The following REPS1 variants were observed in gnomAD, a reference collection of about 807,000 sequenced individuals.
REPS1 encodes ralBP1-associated Eps domain-containing protein 1.
REPS1 carries 39 observed loss-of-function variants against 100.9 expected under a neutral mutation model. That is an observed-to-expected ratio of 0.39 (90% CI 0.30 to 0.50). The LOEUF is 0.50. Ranked by LOEUF, REPS1 falls within the 20% of genes least tolerant of loss-of-function variation. The probability of loss-of-function intolerance (pLI) is 0.86; values close to 1 mark genes in which losing one functional copy is unlikely to be tolerated. For missense variants in REPS1, 821 were observed against 968.5 expected, an observed-to-expected ratio of 0.85 and a Z score of 2.02; for synonymous variants, 324 against 340.3, an observed-to-expected ratio of 0.95 and a Z score of 0.53.
At chr6:138,962,352 C>A (rs1783788383) in intron 1 of REPS1, among the ~76,000 whole-genome samples, 1 of 151,720 alleles carries the variant, frequency 6.6e-6, no homozygotes, top group African/African-American at 2.4e-5. Context: ...GCCTAAGACA[C>A]TGGATGCCCA....
chr6:138,985,370 T>G (rs752583064), intron 1 of REPS1, among the ~76,000 whole-genome samples: 5 of 152,218 alleles, frequency 3.3e-5, no homozygotes, highest in Admixed American at 6.5e-5. Flanking sequence ...GACAAGATCC[T>G]CAAGAGCTTC....
At chr6:138,974,520 CAAAT>C (rs1306188772) in intron 1 of REPS1, among the ~76,000 whole-genome samples, 1 of 152,072 alleles carries the variant, frequency 6.6e-6, no homozygotes, top group Non-Finnish European at 1.5e-5. Flanking sequence ...ATTAAATGTC[CAAAT>C]GTGTTTTGGG....
chr6:138,920,269 A>T lies in REPS1; in HGVS notation c.1474T>A (p.Leu492Ile), dbSNP rs1582729593. 6.2e-7 allele frequency: 1 copy of T among 1,604,520 alleles called. No homozygotes were observed. The highest frequency in any genetic ancestry group is 2.2e-5 in the East Asian group (1 of 44,802). ...GATGAATTTATCTTATTTTCTTCTA[A>T]AAGGTCAGATGGTTTCACAAGTAAT... ...SPLLVKPSDL[L>I]EENKINSSVK... The change falls in exon 12 of 20, where the codon TTA (leucine) becomes ATA (isoleucine). Residue 492 changes from leucine to isoleucine, a missense_variant. Physicochemically the swap from Leu to Ile is conservative, Grantham distance 5. Around this residue, in one of 3 missense-constraint regions of REPS1, gnomAD observed 757 missense variants for 866.4 expected, o/e 0.87. Transcript: ENST00000450536.
intron 10 of REPS1, among the ~76,000 whole-genome samples, chr6:138,921,965 A>G (rs1780797373): frequency 2.6e-5 from 3 of 113,784 alleles, no homozygotes; most frequent in Admixed American, 2.6e-4. Flanking sequence ...GAGCTAGACC[A>G]CATCTCAAAA....
At chr6:138,923,901 A>G (rs2128448729) in intron 10 of REPS1, among the ~76,000 whole-genome samples, 1 of 151,294 alleles carries the variant, frequency 6.6e-6, no homozygotes, top group East Asian at 2.0e-4. Context: ...TGTTAAATTC[A>G]TAATAGAAGA....
intron 10 of REPS1, among the ~76,000 whole-genome samples, chr6:138,925,695 G>A (rs1219549038): frequency 1.3e-5 from 2 of 150,080 alleles, no homozygotes; most frequent in Non-Finnish European, 1.5e-5. Context: ...GAAAGAAAAA[G>A]AAAAAGCAGA....
Position 138,961,606 on chromosome 6 carries a change from C to T in REPS1, c.154-13693G>A, listed in dbSNP as rs532240203. Among the ~76,000 whole-genome samples, 32 of 152,228 alleles carry T rather than the reference C, an allele frequency of 2.1e-4. No individual in the cohort carries two copies. In the South Asian group the frequency reaches 5.0e-3, roughly 24 times the overall value. ...TACTGCCTTATTTGTGCTAAGAAAC[C>T]GAAAGTTTTATCTGCCATGACTTTT... On this transcript the variant is annotated intron_variant, in intron 1 of 19. Coordinates refer to ENST00000450536, the MANE Select transcript of REPS1 (RefSeq NM_001286611.2).
At chr6:138,940,004 T>A (rs1782120709) in intron 8 of REPS1, among the ~76,000 whole-genome samples, 2 of 152,178 alleles carry the variant, frequency 1.3e-5, no homozygotes, top group South Asian at 4.1e-4. Flanking sequence ...TGGCATCAAA[T>A]CCACATTTCA....
Position 138,908,456 on chromosome 6 carries a change from G to A in REPS1, c.2216+212C>T, listed in dbSNP as rs143685604. 2.7e-3 allele frequency among the ~76,000 whole-genome samples: 412 copies of A among 152,054 alleles called. 2 individuals are homozygous for A. Among genetic ancestry groups the A allele is most frequent in the African/African-American group, 9.5e-3 (395 of 41,498 alleles). On this transcript the variant is annotated intron_variant, in intron 18 of 19. Transcript: ENST00000450536. ...ACTACAGGTGTGTACCACCACACCCGGCTAATTTTTTTGTATTTTTAGCAG... is the reference window on the plus strand; with the variant it reads ...ACTACAGGTGTGTACCACCACACCCAGCTAATTTTTTTGTATTTTTAGCAG...
rs751065480 is a variant in REPS1, at chr6:138,941,301, C to G, written c.1135+34G>C. The G allele has an allele frequency of 1.9e-6, 3 of 1,606,640 alleles. No homozygotes were observed. In the South Asian group the frequency reaches 3.3e-5, roughly 18 times the overall value. ...GAATCAAGCATTATGTTTATCAAGG[C>G]ATGCAAACAGCTCTCTTCAGCTCCC... On this transcript the variant is annotated intron_variant, in intron 8 of 19. Coordinates refer to ENST00000450536, the MANE Select transcript of REPS1 (RefSeq NM_001286611.2).
In REPS1 at chr6:138,988,185, GCTCCGCCTCC is replaced by G. The variant is rs1410501298; in HGVS notation, c.-513_-504del. 1 of 398,394 alleles carries G rather than the reference GCTCCGCCTCC, an allele frequency of 2.5e-6. No individual in the cohort carries two copies. Among genetic ancestry groups the G allele is most frequent in the African/African-American group, 2.1e-5 (1 of 48,558 alleles). 24.7% of individuals were successfully genotyped at this position (398,394 alleles called of 1,614,324 possible). A position where few individuals can be genotyped will look rare whatever the true frequency, so the allele number is the denominator to read the frequency against. Reference sequence around the variant, plus strand: ...GGGATCTGGGCTGAGCGTGGCCGCCGCTCCGCCTCCCTCCGCCGCCATTTACAGTGCCCCG... The same window carrying G: ...GGGATCTGGGCTGAGCGTGGCCGCCGCTCCGCCGCCATTTACAGTGCCCCG... On this transcript the variant is annotated 5_prime_UTR_variant, in exon 1 of 20. The change abolishes the stop of an existing upstream ORF in the 5' untranslated region. Coordinates refer to ENST00000450536, the MANE Select transcript of REPS1 (RefSeq NM_001286611.2).
At chr6:138,910,514 C>T (rs1315454935) in intron 17 of REPS1, among the ~76,000 whole-genome samples, 5 of 152,108 alleles carry the variant, frequency 3.3e-5, no homozygotes, top group African/African-American at 7.2e-5. Context: ...CCACCACACA[C>T]GGCTAATATT....
intron 10 of REPS1, among the ~76,000 whole-genome samples, chr6:138,926,196 G>A (rs112533551): frequency 6.4e-4 from 97 of 152,220 alleles, no homozygotes; most frequent in African/African-American, 1.8e-3. Context: ...TTTTAAAAAC[G>A]TAGTTTTCTC....
At chr6:138,905,854 C>T (rs1779612686) in intron 19 of REPS1, among the ~76,000 whole-genome samples, 1 of 152,166 alleles carries the variant, frequency 6.6e-6, no homozygotes, top group African/African-American at 2.4e-5. Context: ...CAAAGAATAA[C>T]TTTGCATTCA....
chr6:138,966,257 A>G (rs1784017303), intron 1 of REPS1, among the ~76,000 whole-genome samples: 2 of 152,058 alleles, frequency 1.3e-5, no homozygotes, highest in South Asian at 4.1e-4. Context: ...GCATGATATA[A>G]TTTCTGGTAT....
chr6:138,984,507 A>T (rs753341907), intron 1 of REPS1, among the ~76,000 whole-genome samples: 21 of 152,134 alleles, frequency 1.4e-4, no homozygotes, highest in Non-Finnish European at 2.6e-4. Flanking sequence ...CAGGATGTTT[A>T]GCAACATTTC....
At chr6:138,931,526 G>C (rs922109292) in intron 8 of REPS1, among the ~76,000 whole-genome samples, 4 of 151,984 alleles carry the variant, frequency 2.6e-5, no homozygotes, top group African/African-American at 9.7e-5. Flanking sequence ...ATACCACATT[G>C]CAAGTTCTAA....
intron 1 of REPS1, among the ~76,000 whole-genome samples, chr6:138,975,467 G>A (rs372714922): frequency 6.6e-6 from 1 of 152,194 alleles, no homozygotes; most frequent in African/African-American, 2.4e-5. Flanking sequence ...ATTTTCTGTA[G>A]TATTAAAGCC....
chr6:138,945,078 A>T, intron 4 of REPS1, 141 bp downstream of exon 4: 1 of 635,838 alleles, frequency 1.6e-6, no homozygotes, highest in Non-Finnish European at 2.4e-6. Flanking sequence ...ACTTTCAAAA[A>T]ATCTCTAAGC....
Sources: allele counts gnomAD v4.1 joint callset (sites outside exome capture counted in the v4.1 genomes callset), GRCh38; gene constraint gnomAD v4.1.1; regional missense constraint gnomAD v4.1.1; transcripts MANE v1.5; gene names NCBI Gene and HGNC (gene_info 2026-07-23, HGNC 2026-07-21).